Variants in CFAP299 observed in about 807,000 individuals in gnomAD.
CFAP299 encodes the protein cilia- and flagella-associated protein 299.
Under a neutral mutation model 27.0 loss-of-function variants are expected in CFAP299, and 21 were observed. That is an observed-to-expected ratio of 0.78 (90% confidence interval 0.55 to 1.12). The LOEUF is 1.12. Ranked by LOEUF, CFAP299 falls within the 50% of genes most tolerant of loss-of-function variation. CFAP299 has a pLI of 0.00. For synonymous variants in CFAP299, 104 were observed against 98.1 expected, an observed-to-expected ratio of 1.06 and a Z score of -0.36; for missense variants, 310 against 276.6, an observed-to-expected ratio of 1.12 and a Z score of -0.86.
intron 3 of CFAP299, among the ~76,000 whole-genome samples, chr4:80,796,372 C>T (rs2110102370): frequency 6.6e-6 from 1 of 152,280 alleles, no homozygotes; most frequent in African/African-American, 2.4e-5. Context: ...TTCTTGCTCA[C>T]TGGATCCAAT....
intron 2 of CFAP299, among the ~76,000 whole-genome samples, chr4:80,409,823 GA>G (rs35386257): frequency 5.3e-5 from 8 of 152,054 alleles, no homozygotes; most frequent in African/African-American, 1.9e-4. Context: ...TATATTTTTG[GA>G]AAAAAAGGGC....
intron 3 of CFAP299, among the ~76,000 whole-genome samples, chr4:80,628,904 G>T (rs1739059042): frequency 1.3e-5 from 2 of 152,120 alleles, no homozygotes; most frequent in Admixed American, 1.3e-4. Flanking sequence ...ATGGAAAACA[G>T]TATGGATGTT....
intron 3 of CFAP299, among the ~76,000 whole-genome samples, chr4:80,676,212 A>G (rs1447658836): frequency 6.6e-6 from 1 of 152,196 alleles, no homozygotes; most frequent in African/African-American, 2.4e-5. Flanking sequence ...TAATGAAATT[A>G]TCATATTGTT....
chr4:80,439,224 C>T (rs530213605), intron 2 of CFAP299, among the ~76,000 whole-genome samples: 8 of 152,222 alleles, frequency 5.3e-5, no homozygotes, highest in Admixed American at 2.6e-4. Context: ...TAGTTTGTTG[C>T]TTACTCTAAA....
intron 3 of CFAP299, among the ~76,000 whole-genome samples, chr4:80,638,592 A>G (rs1407849121): frequency 3.9e-5 from 6 of 152,192 alleles, no homozygotes; most frequent in Non-Finnish European, 7.3e-5. Context: ...CTGAGAATAT[A>G]AGGATGCAGC....
chr4:80,334,138 T>C (rs971600403), upstream of CFAP299, among the ~76,000 whole-genome samples: 1 of 152,228 alleles, frequency 6.6e-6, no homozygotes, highest in Non-Finnish European at 1.5e-5. Context: ...CATGATTGTT[T>C]AAATTTAGAT....
chr4:80,922,257 T>C (rs34160589), intron 4 of CFAP299, among the ~76,000 whole-genome samples: 3,032 of 152,202 alleles, frequency 0.02, 48 homozygotes, highest in Non-Finnish European at 0.029. Context: ...GAAATTGCTA[T>C]TAATATTATT....
At chr4:80,324,049 A>T in the CFAP299 span, among the ~76,000 whole-genome samples, 1 of 152,140 alleles carries the variant, frequency 6.6e-6, no homozygotes, top group African/African-American at 2.4e-5. Context: ...TACATGTGCC[A>T]TGGTGGTTTG....
chr4:80,879,182 T>C (rs1192721484), intron 4 of CFAP299, among the ~76,000 whole-genome samples: 1 of 152,132 alleles, frequency 6.6e-6, no homozygotes, highest in African/African-American at 2.4e-5. Context: ...TCAGGAAATA[T>C]CAGTTCCTAT....
intron 3 of CFAP299, among the ~76,000 whole-genome samples, chr4:80,846,393 A>G (rs1411630650): frequency 6.6e-6 from 1 of 152,144 alleles, no homozygotes; most frequent in East Asian, 1.9e-4. Flanking sequence ...TCAATATTGT[A>G]TCTCCAGCAC....
chr4:80,535,566 A>G (rs1733700977), intron 2 of CFAP299, among the ~76,000 whole-genome samples: 1 of 148,408 alleles, frequency 6.7e-6, no homozygotes, highest in African/African-American at 2.4e-5. Flanking sequence ...ATGTTTCTGG[A>G]TGGATAAATA....
At chr4:80,468,727 A>G (rs1275038901) in intron 2 of CFAP299, among the ~76,000 whole-genome samples, 1 of 150,544 alleles carries the variant, frequency 6.6e-6, no homozygotes, top group Non-Finnish European at 1.5e-5. Context: ...CCCAGCTACT[A>G]GAGAGGCTGA....
intron 2 of CFAP299, among the ~76,000 whole-genome samples, chr4:80,372,368 C>A (rs1430031795): frequency 6.6e-6 from 1 of 152,188 alleles, no homozygotes; most frequent in Non-Finnish European, 1.5e-5. Flanking sequence ...AGATTCAAAC[C>A]ATACGAATGG....
intron 4 of CFAP299, among the ~76,000 whole-genome samples, chr4:80,927,114 T>G (rs1736346746): frequency 6.6e-6 from 1 of 152,138 alleles, no homozygotes; most frequent in Non-Finnish European, 1.5e-5. Context: ...AATTGCTTAG[T>G]GAAAAGTCAA....
chr4:80,476,425 G>C (rs2110121835), intron 2 of CFAP299, among the ~76,000 whole-genome samples: 1 of 152,242 alleles, frequency 6.6e-6, no homozygotes, highest in South Asian at 2.1e-4. Context: ...TCAGTGGGAA[G>C]GTATGGAAGG....
Position 80,724,412 on chromosome 4 carries a change from AATTACTCATTTAAAAAATG to A in CFAP299, c.333+141250_333+141268del, listed in dbSNP as rs550735315. ...GCATTTAAAAAATGAGTAATTTTTT[AATTACTCATTTAAAAAATG>A]ATTACTCATTTAAAAAATGAGTAAT... On this transcript the variant is annotated intron_variant, in intron 3 of 5. Transcript: ENST00000358105. Among the ~76,000 whole-genome samples, 194 of 152,142 alleles carry A rather than the reference AATTACTCATTTAAAAAATG, an allele frequency of 1.3e-3. 2 individuals carry two copies. The South Asian group carries it at 0.015, about 12-fold the overall frequency.
chr4:80,911,169 C>T (rs1301052847), intron 4 of CFAP299, among the ~76,000 whole-genome samples: 3 of 150,122 alleles, frequency 2.0e-5, no homozygotes, highest in Non-Finnish European at 4.4e-5. Context: ...TTCCTATGTC[C>T]CTGGGCTGTT....
At chr4:80,563,485 A>T (rs934904867) in intron 2 of CFAP299, among the ~76,000 whole-genome samples, 1 of 152,094 alleles carries the variant, frequency 6.6e-6, no homozygotes, top group Admixed American at 6.6e-5. Context: ...GAATTGAAAA[A>T]TTTCTTGAAA....
At chr4:80,651,901 T>C (rs1194212044) in intron 3 of CFAP299, among the ~76,000 whole-genome samples, 3 of 152,144 alleles carry the variant, frequency 2.0e-5, no homozygotes, top group Non-Finnish European at 4.4e-5. Context: ...AGGAATCATT[T>C]GAATTGCAAG....
Sources: allele counts gnomAD v4.1 joint callset (sites outside exome capture counted in the v4.1 genomes callset), GRCh38; gene constraint gnomAD v4.1.1; transcripts MANE v1.5; gene names NCBI Gene and HGNC (gene_info 2026-07-23, HGNC 2026-07-21).